Variants in LRP1B observed in about 807,000 individuals in gnomAD.
The protein encoded by LRP1B is LDL receptor related protein 1B.
In LRP1B, 217 loss-of-function variants were observed where a neutral mutation model predicts 556.6. The observed-to-expected ratio is 0.39, with a 90% confidence interval of 0.35 to 0.44. LRP1B has a LOEUF of 0.44. Among genes scored for constraint, LRP1B ranks in the 20% least tolerant of loss-of-function variants. The pLI is 1.00. For synonymous variants in LRP1B, 2,047 were observed against 1,865.8 expected (o/e 1.10, Z -2.50); for missense variants, 5,053 against 5,620.8 (o/e 0.90, Z 3.23).
chr2:140,750,183 C>T (rs1324380380), intron 35 of LRP1B, among the ~76,000 whole-genome samples: 2 of 152,018 alleles, frequency 1.3e-5, no homozygotes, highest in Admixed American at 1.3e-4. Context: ...CATGTCCATC[C>T]TTGACCCTAA....
intron 86 of LRP1B, among the ~76,000 whole-genome samples, chr2:140,268,755 A>C (rs1158564070): frequency 1.3e-5 from 2 of 151,974 alleles, no homozygotes; most frequent in Non-Finnish European, 2.9e-5. Flanking sequence ...AGAATGACTT[A>C]AACTATTAAG....
At chr2:140,443,823 G>A (rs538932186) in intron 65 of LRP1B, among the ~76,000 whole-genome samples, 1 of 152,072 alleles carries the variant, frequency 6.6e-6, no homozygotes, top group African/African-American at 2.4e-5. Context: ...GTTAAGATAC[G>A]TTAAATGGAG....
intron 2 of LRP1B, among the ~76,000 whole-genome samples, chr2:141,524,657 A>G (rs1684635251): frequency 6.6e-6 from 1 of 152,044 alleles, no homozygotes; most frequent in Non-Finnish European, 1.5e-5. Flanking sequence ...CAGGGTAGCC[A>G]AAAGATTGGG....
At chr2:141,579,093 C>A (rs1244266511) in intron 2 of LRP1B, among the ~76,000 whole-genome samples, 1 of 152,118 alleles carries the variant, frequency 6.6e-6, no homozygotes, top group Admixed American at 6.6e-5. Context: ...ATTGGATATA[C>A]CTATACATAG....
chr2:140,582,512 T>C (rs1342146896), intron 43 of LRP1B, among the ~76,000 whole-genome samples: 1 of 152,224 alleles, frequency 6.6e-6, no homozygotes, highest in Middle Eastern at 3.2e-3. Context: ...GTGGGACTTT[T>C]AGGAGCTGAT....
intron 11 of LRP1B, among the ~76,000 whole-genome samples, chr2:141,041,193 C>G (rs1332899356): frequency 1.3e-5 from 2 of 152,064 alleles, no homozygotes; most frequent in African/African-American, 4.8e-5. Flanking sequence ...TAGAACACAC[C>G]TTCATACGTA....
At chr2:140,784,629 T>C (rs1226295550) in intron 32 of LRP1B, among the ~76,000 whole-genome samples, 1 of 150,378 alleles carries the variant, frequency 6.6e-6, no homozygotes, top group Non-Finnish European at 1.5e-5. Context: ...GCAGCAAAAA[T>C]AGAAAACAAT....
chr2:141,013,441 T>C lies in LRP1B; in HGVS notation c.2380+115A>G, dbSNP rs188967363. On this transcript the variant is annotated intron_variant, in intron 14 of 90. Coordinates refer to ENST00000389484, the MANE Select transcript of LRP1B (RefSeq NM_018557.3). Reference sequence around the variant, plus strand: ...CTGATTTGATTGACTTTGGAGGGAATTTGACATCTTTTATCATAAAACTTT... The same window carrying C: ...CTGATTTGATTGACTTTGGAGGGAACTTGACATCTTTTATCATAAAACTTT... 2,431 of 815,890 alleles carry C rather than the reference T, an allele frequency of 3.0e-3. 42 individuals are homozygous for C. The African/African-American group carries it at 0.035, about 12-fold the overall frequency. 50.5% of individuals were successfully genotyped at this position (815,890 alleles called of 1,614,324 possible). A position where few individuals can be genotyped will look rare whatever the true frequency, so the allele number is the denominator to read the frequency against.
At chr2:141,206,784 C>T (rs915710721) in intron 6 of LRP1B, among the ~76,000 whole-genome samples, 5 of 152,012 alleles carry the variant, frequency 3.3e-5, no homozygotes, top group Admixed American at 3.3e-4. Flanking sequence ...CAGAAATTGG[C>T]AAGCAGAAGT....
intron 9 of LRP1B, 99 bp downstream of exon 9, chr2:141,058,784 A>C: frequency 2.1e-6 from 2 of 959,444 alleles, no homozygotes; most frequent in Non-Finnish European, 2.9e-6. Flanking sequence ...AAAGCAGAGA[A>C]TTTATGACTC....
intron 6 of LRP1B, among the ~76,000 whole-genome samples, chr2:141,203,826 A>G (rs1468607829): frequency 6.6e-6 from 1 of 152,184 alleles, no homozygotes; most frequent in Non-Finnish European, 1.5e-5. Context: ...ATCATAACAA[A>G]TGGTCTCTCA....
intron 2 of LRP1B, among the ~76,000 whole-genome samples, chr2:141,748,055 C>T (rs965365149): frequency 2.0e-5 from 3 of 152,122 alleles, no homozygotes; most frequent in African/African-American, 4.8e-5. Context: ...TGAAAGGATG[C>T]ACAACATAGT....
At chr2:140,816,502 A>G (rs1691129148) in intron 31 of LRP1B, among the ~76,000 whole-genome samples, 1 of 152,182 alleles carries the variant, frequency 6.6e-6, no homozygotes, top group East Asian at 1.9e-4. Flanking sequence ...TCTACTTAGT[A>G]TGACTTAAAT....
intron 6 of LRP1B, among the ~76,000 whole-genome samples, chr2:141,196,005 A>G (rs954022649): frequency 6.6e-6 from 1 of 152,096 alleles, no homozygotes; most frequent in Non-Finnish European, 1.5e-5. Context: ...TGAAAATGAG[A>G]AGCAGGGGTA....
intron 66 of LRP1B, among the ~76,000 whole-genome samples, chr2:140,413,485 C>T (rs930510147): frequency 6.6e-6 from 1 of 152,094 alleles, no homozygotes; most frequent in Non-Finnish European, 1.5e-5. Context: ...ATTAGTTGAA[C>T]AATTTTACCT....
intron 1 of LRP1B, among the ~76,000 whole-genome samples, chr2:142,101,757 A>G (rs1334505740): frequency 1.3e-5 from 2 of 152,028 alleles, no homozygotes; most frequent in African/African-American, 4.8e-5. Flanking sequence ...TCTTAACTTT[A>G]TATGGTTTCT....
intron 67 of LRP1B, among the ~76,000 whole-genome samples, chr2:140,380,298 G>GA (rs1295596045): frequency 3.3e-5 from 5 of 151,890 alleles, no homozygotes; most frequent in Non-Finnish European, 5.9e-5. Context: ...TACAATTGAG[G>GA]AAAAAATAAG....
At chr2:140,784,978 T>A (rs1253166117) in intron 32 of LRP1B, among the ~76,000 whole-genome samples, 1 of 152,050 alleles carries the variant, frequency 6.6e-6, no homozygotes, top group Non-Finnish European at 1.5e-5. Flanking sequence ...AGATTGAAAC[T>A]GCCAAATAAG....
intron 1 of LRP1B, among the ~76,000 whole-genome samples, chr2:141,874,737 T>C (rs1304431596): frequency 1.3e-5 from 2 of 151,880 alleles, no homozygotes; most frequent in Non-Finnish European, 2.9e-5. Flanking sequence ...TGTGTGTAAC[T>C]TAAGGAAAAA....
Sources: gnomAD v4.1 joint callset for allele counts (sites outside exome capture counted in the v4.1 genomes callset) on GRCh38, gnomAD v4.1.1 for gene constraint, MANE v1.5 for transcripts, NCBI Gene and HGNC (gene_info 2026-07-23, HGNC 2026-07-21) for gene names.